Variants in DLG4 observed in about 807,000 individuals in gnomAD.
The protein encoded by DLG4 is discs large MAGUK scaffold protein 4, also known as disks large homolog 4.
Under a neutral mutation model 93.8 loss-of-function variants are expected in DLG4, and 7 were observed. The observed-to-expected ratio is 0.07, with a 90% CI of 0.04 to 0.14. The LOEUF (loss-of-function observed/expected upper bound fraction) is 0.14, where lower values mean the gene tolerates loss of function less well. Ranked by LOEUF, DLG4 falls within the 10% of genes least tolerant of loss-of-function variation. The probability of loss-of-function intolerance (pLI) is 1.00; values close to 1 mark genes in which losing one functional copy is unlikely to be tolerated. For missense variants in DLG4, 545 were observed against 992.9 expected (o/e 0.55, Z 6.06); for synonymous variants, 341 against 387.6 (o/e 0.88, Z 1.41).
In DLG4 at chr17:7,194,997, C is replaced by T. The variant is rs2069695548; in HGVS notation, c.1302-502G>A. Among the ~76,000 whole-genome samples, 1 of 142,700 alleles carries T rather than the reference C, an allele frequency of 7.0e-6. No individual in the cohort carries two copies. Among genetic ancestry groups the T allele is most frequent in the Admixed American group, 7.3e-5 (1 of 13,702 alleles). The allele number at this position is 142,700 out of a possible 152,430, so 93.6% of individuals were successfully genotyped here. On this transcript the variant is annotated intron_variant, in intron 11 of 19. Coordinates refer to ENST00000399506, the MANE Select transcript of DLG4 (RefSeq NM_001321075.3). This position sits in a 1 kb window ranked among gnomAD's most constrained non-coding sequence, Gnocchi z 4.4. ...TCACGCCACTGCACTCCAGCCTGGG[C>T]AACGGAGCGAGACACCGTCTCAAAA...
Position 7,208,253 on chromosome 17 carries a change from C to A in DLG4, c.31-14G>T, listed in dbSNP as rs753578693. ...GTAGCGGTATTTCTGGGGATGGGGA[C>A]GGAGGTGTCACTGGGGCCAGCCCGG... is the stretch of plus-strand genomic sequence containing the variant. On this transcript the variant is annotated splice_polypyrimidine_tract_variant and intron_variant, in intron 1 of 19. Coordinates refer to ENST00000399506, the MANE Select transcript of DLG4 (RefSeq NM_001321075.3). This position sits in a 1 kb window ranked among gnomAD's most constrained non-coding sequence, Gnocchi z 5.4. 7.6e-7 allele frequency: 1 copy of A among 1,312,006 alleles called. No homozygotes were observed. The highest frequency in any genetic ancestry group is 3.2e-5 in the South Asian group (1 of 31,718). 81.3% of individuals were successfully genotyped at this position (1,312,006 alleles called of 1,614,324 possible). A position where few individuals can be genotyped will look rare whatever the true frequency, so the allele number is the denominator to read the frequency against.
chr17:7,207,999 T>A, intron 2 of DLG4, 175 bp downstream of exon 2: 6 of 984,072 alleles, frequency 6.1e-6, no homozygotes, highest in Admixed American at 5.7e-5. Context: ...TCTCTCACCC[T>A]ACCGGCCCTT....
At chr17:7,209,410 GGTTCA>G (rs1267809172) in intron 1 of DLG4, among the ~76,000 whole-genome samples, 1 of 152,104 alleles carries the variant, frequency 6.6e-6, no homozygotes, top group African/African-American at 2.4e-5. Flanking sequence ...CCAAGCTCCA[GGTTCA>G]GGAAGGGGAA....
upstream of DLG4, chr17:7,219,273 G>A: frequency 9.5e-6 from 5 of 527,904 alleles, no homozygotes; most frequent in Non-Finnish European, 1.3e-5. Flanking sequence ...GTTCCTCTCA[G>A]GCCCGGGAGG....
Position 7,196,486 on chromosome 17 carries a change from C to A in DLG4, c.1173G>T (p.Gln391His). Reference protein sequence around the residue: ...NAGQTVTIIAQYKPEEYSRFE... With the variant: ...NAGQTVTIIAHYKPEEYSRFE... Reference sequence around the variant, plus strand: ...CCGGCCTGGTACCTTCTGGTTTATACTGAGCGATGATCGTGACCGTCTGAC... The same window carrying A: ...CCGGCCTGGTACCTTCTGGTTTATAATGAGCGATGATCGTGACCGTCTGAC... The change falls in exon 10 of 20, where the codon CAG becomes CAT. Residue 391 changes from glutamine to histidine, a missense_variant. Gln to His is a conservative substitution (Grantham distance 24, BLOSUM62 0). This residue lies in a region of DLG4 where 428 missense variants were observed against 741.4 expected (regional missense o/e 0.58). Transcript: ENST00000399506. This position sits in a 1 kb window ranked among gnomAD's most constrained non-coding sequence, Gnocchi z 8.3. The A allele has an allele frequency of 1.2e-6, 2 of 1,614,038 alleles. No individual in the cohort carries two copies. Among genetic ancestry groups the A allele is most frequent in the Non-Finnish European group, 1.7e-6 (2 of 1,179,900 alleles).
At chr17:7,213,091 C>CTTTTT (rs1567551398) in intron 1 of DLG4, among the ~76,000 whole-genome samples, 2 of 99,538 alleles carry the variant, frequency 2.0e-5, no homozygotes, top group Non-Finnish European at 1.9e-5. Context: ...TTCTTTCTTT[C>CTTTTT]TTTCTTTTTT....
intron 2 of DLG4, chr17:7,205,210 G>T: frequency 1.6e-5 from 16 of 973,642 alleles, no homozygotes; most frequent in Non-Finnish European, 2.0e-5. Flanking sequence ...AGACATCCGG[G>T]TCCTATCCCG....
At chr17:7,220,011 C>T (rs1231124119), upstream of DLG4, 1 of 1,604,872 alleles carries the variant, frequency 6.2e-7, no homozygotes, top group Non-Finnish European at 8.5e-7. Context: ...TGGCCGCGAG[C>T]TTGGGGCGGC....
chr17:7,204,989 G>T, intron 2 of DLG4: 1 of 985,648 alleles, frequency 1.0e-6, no homozygotes, highest in Non-Finnish European at 1.2e-6. Context: ...GGTGGGGCGT[G>T]GCCTGGGGCC....
intron 8 of DLG4, among the ~76,000 whole-genome samples, chr17:7,200,693 T>C (rs769115590): frequency 2.4e-4 from 36 of 150,690 alleles, no homozygotes; most frequent in Non-Finnish European, 4.7e-4. Flanking sequence ...ATTGCAGGCA[T>C]GCACCACCAT....
intron 8 of DLG4, among the ~76,000 whole-genome samples, chr17:7,199,270 G>A (rs2069986130): frequency 6.6e-6 from 1 of 151,424 alleles, no homozygotes; most frequent in African/African-American, 2.4e-5. Context: ...TGCGATCTTG[G>A]CTCACTGCAA....
Position 7,217,439 on chromosome 17 carries a change from G to A in DLG4, c.-292C>T, listed in dbSNP as rs1237168163. 5 of 395,610 alleles carry A rather than the reference G, an allele frequency of 1.3e-5. No individual in the cohort carries two copies. The highest frequency in any genetic ancestry group is 2.1e-5 in the Non-Finnish European group (5 of 238,274). The allele number at this position is 395,610 out of a possible 1,614,324, so 24.5% of individuals were successfully genotyped here. ...GGGGGCACCGGGGGCTGGCAGCCCC[G>A]GAGTTCGGGGGCTGGGGCATGAGCT... On this transcript the variant is annotated 5_prime_UTR_variant, in exon 1 of 20. Coordinates refer to ENST00000399506, the MANE Select transcript of DLG4 (RefSeq NM_001321075.3).
rs1033422276 is a variant in DLG4 at position 7,194,917 on chromosome 17, G to A, written c.1302-422C>T. On this transcript the variant is annotated intron_variant, in intron 11 of 19. Transcript: ENST00000399506. This position sits in a 1 kb window ranked among gnomAD's most constrained non-coding sequence, Gnocchi z 4.4. ...GCCTGTATTCCCAGCTTCTCGGGAG[G>A]CTGAGGCAGGAAAATGGCATGAACC... 6.6e-6 allele frequency among the ~76,000 whole-genome samples: 1 copy of A among 151,882 alleles called. No homozygotes were observed. The highest frequency in any genetic ancestry group is 2.4e-5 in the African/African-American group (1 of 41,314).
Position 7,193,155 on chromosome 17 carries a change from A to G in DLG4, c.1694-38T>C. The G allele has an allele frequency of 1.2e-6, 2 of 1,609,310 alleles. No individual in the cohort carries two copies. Among genetic ancestry groups the G allele is most frequent in the Non-Finnish European group, 1.7e-6 (2 of 1,177,120 alleles). On this transcript the variant is annotated intron_variant, in intron 16 of 19. Coordinates refer to ENST00000399506, the MANE Select transcript of DLG4 (RefSeq NM_001321075.3). The surrounding 1 kb of genome is among the most constrained non-coding windows in gnomAD (Gnocchi z 6.7). ...CACCCCACCCCCCAAAGATCTAACC[A>G]CCATCCCTCTAGCTTAAATCCTGCC...
At chr17:7,206,712 C>G (rs1402289078) in intron 2 of DLG4, among the ~76,000 whole-genome samples, 1 of 152,158 alleles carries the variant, frequency 6.6e-6, no homozygotes, top group Non-Finnish European at 1.5e-5. Context: ...AGTCTTATCC[C>G]TATCTGGCCC....
chr17:7,196,451 C>G lies in DLG4; in HGVS notation c.1186+22G>C. Reference sequence around the variant, plus strand: ...CTAAGGGCCATTTCAGCTCACAAGACAAGGAACTTCCGGCCTGGTACCTTC... The same window carrying G: ...CTAAGGGCCATTTCAGCTCACAAGAGAAGGAACTTCCGGCCTGGTACCTTC... On this transcript the variant is annotated intron_variant, in intron 10 of 19. Coordinates refer to ENST00000399506, the MANE Select transcript of DLG4 (RefSeq NM_001321075.3). This position sits in a 1 kb window ranked among gnomAD's most constrained non-coding sequence, Gnocchi z 8.3. The G allele has an allele frequency of 6.2e-7, 1 of 1,613,546 alleles. No individual in the cohort carries two copies. The highest frequency in any genetic ancestry group is 8.5e-7 in the Non-Finnish European group (1 of 1,179,470).
rs1274983102 is a variant in DLG4 at position 7,191,380 on chromosome 17, A to G, written c.1977-22T>C. ...CTCTCTGTGAAGAGGGAGGGAGAGC[A>G]GGCCTGAGACTGGACCCACCTGACC... On this transcript the variant is annotated intron_variant, in intron 18 of 19. Coordinates refer to ENST00000399506, the MANE Select transcript of DLG4 (RefSeq NM_001321075.3). The surrounding 1 kb of genome is among the most constrained non-coding windows in gnomAD (Gnocchi z 6.6). 6.2e-7 allele frequency: 1 copy of G among 1,609,538 alleles called. No homozygotes were observed. Among genetic ancestry groups the G allele is most frequent in the Non-Finnish European group, 8.5e-7 (1 of 1,176,146 alleles).
At chr17:7,218,529 C>T (rs751166082), upstream of DLG4, 64 of 1,554,872 alleles carry the variant, frequency 4.1e-5, 1 homozygote, top group South Asian at 3.0e-4. Flanking sequence ...CCTCAGAAAA[C>T]GGGCTACTCA....
chr17:7,190,138 G>A lies in DLG4; in HGVS notation c.*570C>T. The stretch of plus-strand genomic sequence containing the variant: ...CTCATGCAAACCGGCAAAGAAAAAT[G>A]GTGGGGGCATGTGGAAGGCAGGGGC... On this transcript the variant is annotated 3_prime_UTR_variant, in exon 20 of 20. Coordinates refer to ENST00000399506, the MANE Select transcript of DLG4 (RefSeq NM_001321075.3). 6.6e-6 allele frequency: 1 copy of A among 151,334 alleles called. No individual in the cohort carries two copies. 9.4% of individuals were successfully genotyped at this position (151,334 alleles called of 1,614,324 possible).
Sources: allele counts gnomAD v4.1 joint callset (sites outside exome capture counted in the v4.1 genomes callset), GRCh38; gene constraint gnomAD v4.1.1; regional missense constraint gnomAD v4.1.1; non-coding constraint Gnocchi (gnomAD v3.1); transcripts MANE v1.5; gene names NCBI Gene and HGNC (gene_info 2026-07-23, HGNC 2026-07-21).